The following SOCS5 variants were observed in gnomAD, a reference collection of about 807,000 sequenced individuals.
SOCS5 encodes CIS-6.
Under a neutral mutation model 42.8 loss-of-function variants are expected in SOCS5, and 32 were observed. The observed-to-expected ratio is 0.75, with a 90% CI of 0.56 to 1.01. SOCS5 has a LOEUF of 1.01. Among genes scored for constraint, SOCS5 ranks in the 50% least tolerant of loss-of-function variants. SOCS5 has a pLI of 0.00. For missense variants in SOCS5, 627 were observed against 653.0 expected (o/e 0.96, Z 0.43); for synonymous variants, 283 against 229.6 (o/e 1.23, Z -2.10).
rs1672295441 is a variant in SOCS5, at chr2:46,699,552, T to G, written c.-13+103T>G. ...TGCCCCAGTGCCCGCGCCCGGCGCA[T>G]TCCGCCCCCGGCTGTCGCCCCCGCA... On this transcript the variant is annotated intron_variant, in intron 1 of 1. Transcript: ENST00000394861. The surrounding 1 kb of genome is among the most constrained non-coding windows in gnomAD (Gnocchi z 4.8). 6.6e-6 allele frequency: 1 copy of G among 151,516 alleles called. No individual in the cohort carries two copies. Among genetic ancestry groups the G allele is most frequent in the Non-Finnish European group, 1.5e-5 (1 of 67,768 alleles). The allele number at this position is 151,516 out of a possible 1,614,324, so 9.4% of individuals were successfully genotyped here.
chr2:46,744,181 G>A (rs1386124461), intron 1 of SOCS5, among the ~76,000 whole-genome samples: 4 of 152,010 alleles, frequency 2.6e-5, no homozygotes, highest in African/African-American at 7.3e-5. Flanking sequence ...GTAGAGATGG[G>A]GTTTCACCGT....
chr2:46,722,527 T>C (rs1404395981), intron 1 of SOCS5, among the ~76,000 whole-genome samples: 2 of 152,162 alleles, frequency 1.3e-5, no homozygotes, highest in Non-Finnish European at 2.9e-5. Flanking sequence ...ATTTTGTTGC[T>C]CAAGAGTATT....
At chr2:46,749,292 G>C (rs1206096289) in intron 1 of SOCS5, among the ~76,000 whole-genome samples, 2 of 152,266 alleles carry the variant, frequency 1.3e-5, no homozygotes, top group East Asian at 3.9e-4. Context: ...ACATGCTTTG[G>C]ATTGGTTGTA....
chr2:46,728,106 C>T (rs1207305229), intron 1 of SOCS5, among the ~76,000 whole-genome samples: 1 of 152,176 alleles, frequency 6.6e-6, no homozygotes, highest in African/African-American at 2.4e-5. Context: ...AGGGCTTCTC[C>T]TGGATCTCTG....
At chr2:46,741,088 CCCA>C (rs1205225389) in intron 1 of SOCS5, among the ~76,000 whole-genome samples, 1 of 152,112 alleles carries the variant, frequency 6.6e-6, no homozygotes, top group Non-Finnish European at 1.5e-5. Context: ...GCCCCTGTAA[CCCA>C]CCATTTATTT....
chr2:46,736,313 G>C (rs892012770), intron 1 of SOCS5, among the ~76,000 whole-genome samples: 26 of 152,114 alleles, frequency 1.7e-4, no homozygotes, highest in African/African-American at 6.3e-4. Flanking sequence ...AAAGTGCTGG[G>C]ATGACAGATG....
At chr2:46,730,587 G>C (rs998196392) in intron 1 of SOCS5, among the ~76,000 whole-genome samples, 1 of 152,166 alleles carries the variant, frequency 6.6e-6, no homozygotes, top group African/African-American at 2.4e-5. Context: ...GCGACAGAGT[G>C]AGACTCTGTC....
At chr2:46,712,822 GT>G (rs1297519830) in intron 1 of SOCS5, among the ~76,000 whole-genome samples, 1 of 151,042 alleles carries the variant, frequency 6.6e-6, no homozygotes, top group African/African-American at 2.4e-5. Flanking sequence ...TTTGCTTTTT[GT>G]TTTGTTTCCT....
At chr2:46,725,786 C>G (rs1354566384) in intron 1 of SOCS5, among the ~76,000 whole-genome samples, 1 of 152,118 alleles carries the variant, frequency 6.6e-6, no homozygotes, top group African/African-American at 2.4e-5. Context: ...CCTTTAGTAA[C>G]TCCTTCAGAG....
intron 1 of SOCS5, among the ~76,000 whole-genome samples, chr2:46,725,705 G>A (rs569613777): frequency 1.3e-5 from 2 of 151,880 alleles, no homozygotes; most frequent in South Asian, 2.1e-4. Flanking sequence ...TTCATTGGAT[G>A]GTTACCATTT....
intron 1 of SOCS5, among the ~76,000 whole-genome samples, chr2:46,713,236 G>C (rs1672667465): frequency 6.6e-6 from 1 of 152,234 alleles, no homozygotes; most frequent in East Asian, 1.9e-4. Flanking sequence ...CACACCTGTA[G>C]TTTCAGCTAC....
intron 1 of SOCS5, among the ~76,000 whole-genome samples, chr2:46,708,366 G>C (rs1191263389): frequency 2.6e-5 from 4 of 152,092 alleles, no homozygotes; most frequent in African/African-American, 9.7e-5. Context: ...AGAATACTGA[G>C]TTTAATTTCA....
chr2:46,753,603 A>G (rs537541732), intron 1 of SOCS5, among the ~76,000 whole-genome samples: 1 of 152,318 alleles, frequency 6.6e-6, no homozygotes, highest in South Asian at 2.1e-4. Flanking sequence ...GTCAATACAG[A>G]AAAGAGAAAG....
intron 1 of SOCS5, among the ~76,000 whole-genome samples, chr2:46,756,335 G>C (rs1178905727): frequency 6.6e-6 from 1 of 152,180 alleles, no homozygotes; most frequent in Non-Finnish European, 1.5e-5. Flanking sequence ...ATTAGGGTCA[G>C]TAAACTTTTT....
Position 46,699,331 on chromosome 2 carries a change from G to T in SOCS5, c.-131G>T, listed in dbSNP as rs1377985179. The T allele has an allele frequency of 6.6e-6, 1 of 152,178 alleles. No homozygotes were observed. Among genetic ancestry groups the T allele is most frequent in the African/African-American group, 2.4e-5 (1 of 41,442 alleles). The allele number at this position is 152,178 out of a possible 1,614,324, so 9.4% of individuals were successfully genotyped here. ...GCGACGCTGCGCTCGCTGGGCAGTCGGAGGGGACGGGACGCACCGGAGGGC... is the reference window on the plus strand; with the variant it reads ...GCGACGCTGCGCTCGCTGGGCAGTCTGAGGGGACGGGACGCACCGGAGGGC... On this transcript the variant is annotated 5_prime_UTR_variant, in exon 1 of 2. Transcript: ENST00000394861. The surrounding 1 kb of genome is among the most constrained non-coding windows in gnomAD (Gnocchi z 4.8).
intron 1 of SOCS5, among the ~76,000 whole-genome samples, chr2:46,745,162 A>G (rs1673470459): frequency 6.6e-6 from 1 of 152,236 alleles, no homozygotes; most frequent in South Asian, 2.1e-4. Flanking sequence ...ATGTAGCACT[A>G]CATCCTTATC....
intron 1 of SOCS5, among the ~76,000 whole-genome samples, chr2:46,751,060 A>G (rs2103755406): frequency 6.6e-6 from 1 of 152,270 alleles, no homozygotes; most frequent in Admixed American, 6.5e-5. Flanking sequence ...AATAGACCAA[A>G]TAATAATAGA....
rs76474482 is a variant in SOCS5 at position 46,741,058 on chromosome 2, C to T, written c.-12-17461C>T. 4.6e-5 allele frequency among the ~76,000 whole-genome samples: 7 copies of T among 152,274 alleles called. No homozygotes were observed. In the East Asian group the frequency reaches 1.3e-3, roughly 29 times the overall value. The stretch of plus-strand genomic sequence containing the variant: ...GGAGACCTGTATTTGCGATTCCTTT[C>T]TCCATTGATTGTGTTCTCTGCCCCT... On this transcript the variant is annotated intron_variant, in intron 1 of 1. Transcript: ENST00000394861.
At chr2:46,737,979 G>C (rs1193397935) in intron 1 of SOCS5, among the ~76,000 whole-genome samples, 2 of 152,088 alleles carry the variant, frequency 1.3e-5, no homozygotes, top group Admixed American at 1.3e-4. Flanking sequence ...AAATTGATAT[G>C]CTTGAAATGA....
Sources: gnomAD v4.1 joint callset for allele counts (sites outside exome capture counted in the v4.1 genomes callset) on GRCh38, gnomAD v4.1.1 for gene constraint, Gnocchi (gnomAD v3.1) non-coding constraint, MANE v1.5 for transcripts, NCBI Gene and HGNC (gene_info 2026-07-23, HGNC 2026-07-21) for gene names.